The following NRCAM variants were observed in gnomAD, a reference collection of about 807,000 sequenced individuals.
The protein encoded by NRCAM is neuronal cell adhesion molecule, also known as NgCAM-related cell adhesion molecule.
NRCAM carries 83 observed loss-of-function variants against 156.5 expected under a neutral mutation model. The ratio of observed to expected loss-of-function variants is 0.53; its 90% confidence interval spans 0.44 to 0.64. The LOEUF (loss-of-function observed/expected upper bound fraction) is 0.64, where lower values mean the gene tolerates loss of function less well. NRCAM is among the 30% of genes least tolerant of loss of function. NRCAM has a pLI of 0.00. For missense variants in NRCAM, 1,417 were observed against 1,597.3 expected (o/e 0.89, Z 1.92); for synonymous variants, 538 against 563.9 (o/e 0.95, Z 0.65).
chr7:108,168,132 A>G (rs1417595824), intron 29 of NRCAM, 145 bp downstream of exon 29: 21 of 819,364 alleles, frequency 2.6e-5, no homozygotes, highest in Non-Finnish European at 3.2e-5. Context: ...CTGATGGTTC[A>G]CTATAATTTT....
chr7:108,360,611 GCAGTCAGGA>G (rs2099543322), intron 2 of NRCAM, among the ~76,000 whole-genome samples: 1 of 152,210 alleles, frequency 6.6e-6, no homozygotes, highest in African/African-American at 2.4e-5. Context: ...CAAAGCTGCA[GCAGTCAGGA>G]CAGTGGACAC....
At chr7:108,337,851 C>T (rs1285368384) in intron 2 of NRCAM, among the ~76,000 whole-genome samples, 1 of 152,194 alleles carries the variant, frequency 6.6e-6, no homozygotes, top group Non-Finnish European at 1.5e-5. Flanking sequence ...ATTTAGCGAC[C>T]ACGAAGGGAC....
chr7:108,342,088 G>GGATA (rs2099289030), intron 2 of NRCAM, among the ~76,000 whole-genome samples: 1 of 152,124 alleles, frequency 6.6e-6, no homozygotes, highest in African/African-American at 2.4e-5. Flanking sequence ...AAGGGTTCAG[G>GGATA]GATAGCCCCC....
At chr7:108,233,538 G>A (rs1484539955) in intron 6 of NRCAM, among the ~76,000 whole-genome samples, 2 of 152,164 alleles carry the variant, frequency 1.3e-5, no homozygotes, top group African/African-American at 4.8e-5. Flanking sequence ...GTTACAGAAG[G>A]CATTAATTGT....
chr7:108,195,090 C>T (rs2074220348), intron 15 of NRCAM, among the ~76,000 whole-genome samples: 1 of 152,086 alleles, frequency 6.6e-6, no homozygotes, highest in Non-Finnish European at 1.5e-5. Context: ...CCCCACTATA[C>T]CACAGAATAT....
chr7:108,334,155 T>C (rs1157968214), intron 2 of NRCAM, among the ~76,000 whole-genome samples: 3 of 152,170 alleles, frequency 2.0e-5, no homozygotes, highest in Non-Finnish European at 4.4e-5. Context: ...AAAATAGAAG[T>C]AGAAACATGT....
intron 1 of NRCAM, among the ~76,000 whole-genome samples, chr7:108,415,792 C>G (rs113317848): frequency 0.1 from 15,957 of 152,140 alleles, 2,314 homozygotes; most frequent in African/African-American, 0.33. Flanking sequence ...TGAGGCAGGA[C>G]AGTCACTAGA....
chr7:108,175,822 T>G (rs2060265554), intron 27 of NRCAM, among the ~76,000 whole-genome samples: 1 of 152,194 alleles, frequency 6.6e-6, no homozygotes, highest in African/African-American at 2.4e-5. Flanking sequence ...TTTTAAAGTA[T>G]GAAAAGAAGT....
intron 3 of NRCAM, among the ~76,000 whole-genome samples, chr7:108,279,690 T>G (rs2300009): frequency 0.13 from 16,580 of 125,230 alleles, 1,731 homozygotes; most frequent in African/African-American, 0.31. Flanking sequence ...GCCTCCCAAG[T>G]AGCTGGCACT....
chr7:108,209,404 G>C lies in NRCAM; in HGVS notation c.1075+17C>G. ...GTCTCTCATGAAGGCAAGAAGAATG[G>C]ATTTTAAACAATATACCTTTAACTC... On this transcript the variant is annotated intron_variant, in intron 12 of 32. Coordinates refer to ENST00000379028, the MANE Select transcript of NRCAM (RefSeq NM_001037132.4). The C allele has an allele frequency of 2.0e-6, 3 of 1,527,424 alleles. No individual in the cohort carries two copies. The highest frequency in any genetic ancestry group is 1.8e-6 in the Non-Finnish European group (2 of 1,136,382). The allele number at this position is 1,527,424 out of a possible 1,614,324, so 94.6% of individuals were successfully genotyped here.
At chr7:108,449,303 A>G (rs1420431819) in intron 1 of NRCAM, among the ~76,000 whole-genome samples, 1 of 152,210 alleles carries the variant, frequency 6.6e-6, no homozygotes, top group Admixed American at 6.5e-5. Flanking sequence ...CTGAAGCTAT[A>G]ATTCAAATTT....
chr7:108,438,840 G>T (rs555641329), intron 1 of NRCAM, among the ~76,000 whole-genome samples: 1 of 151,816 alleles, frequency 6.6e-6, no homozygotes, highest in African/African-American at 2.4e-5. Context: ...ACTAACAAAC[G>T]ATCTAAAATG....
At chr7:108,216,234 T>C (rs938199507) in intron 11 of NRCAM, among the ~76,000 whole-genome samples, 23 of 152,220 alleles carry the variant, frequency 1.5e-4, no homozygotes, top group East Asian at 1.9e-4. Context: ...ATGTTGAATA[T>C]TGGCCCCCAC....
intron 3 of NRCAM, among the ~76,000 whole-genome samples, chr7:108,266,872 T>C (rs1206743106): frequency 1.3e-5 from 2 of 150,972 alleles, no homozygotes; most frequent in Admixed American, 1.3e-4. Context: ...AGGACATTCC[T>C]GTCAGTAAGA....
intron 2 of NRCAM, among the ~76,000 whole-genome samples, chr7:108,388,084 T>C (rs2099747235): frequency 6.6e-6 from 1 of 152,228 alleles, no homozygotes; most frequent in African/African-American, 2.4e-5. Flanking sequence ...AGTAATGCGA[T>C]GGCTGGGTCA....
At chr7:108,342,887 T>A (rs1173170808) in intron 2 of NRCAM, among the ~76,000 whole-genome samples, 3 of 152,238 alleles carry the variant, frequency 2.0e-5, no homozygotes, top group Non-Finnish European at 4.4e-5. Flanking sequence ...GACAACCGTT[T>A]ACTTAAATAT....
At chr7:108,387,949 A>G (rs1157126061) in intron 2 of NRCAM, among the ~76,000 whole-genome samples, 2 of 152,140 alleles carry the variant, frequency 1.3e-5, no homozygotes, top group Non-Finnish European at 2.9e-5. Flanking sequence ...TTCTTAATCC[A>G]GTCGATCATT....
chr7:108,299,263 C>T (rs1409729785), intron 3 of NRCAM, among the ~76,000 whole-genome samples: 1 of 151,252 alleles, frequency 6.6e-6, no homozygotes, highest in Non-Finnish European at 1.5e-5. Flanking sequence ...CAGTAGTTAC[C>T]GAGCTGCCTT....
chr7:108,275,753 A>T (rs2097571153), intron 3 of NRCAM, among the ~76,000 whole-genome samples: 1 of 151,786 alleles, frequency 6.6e-6, no homozygotes, highest in Non-Finnish European at 1.5e-5. Flanking sequence ...CTCTGATCTT[A>T]GTTATTTATT....
Sources: gnomAD v4.1 joint callset for allele counts (sites outside exome capture counted in the v4.1 genomes callset) on GRCh38, gnomAD v4.1.1 for gene constraint, MANE v1.5 for transcripts, NCBI Gene and HGNC (gene_info 2026-07-23, HGNC 2026-07-21) for gene names.